TFDP2: variants seen among roughly 807,000 people sequenced by gnomAD.
TFDP2 encodes the protein transcription factor Dp-2.
In TFDP2, 17 loss-of-function variants were observed where a neutral mutation model predicts 59.3. The observed-to-expected ratio is 0.29, with a 90% CI of 0.20 to 0.43. The LOEUF (loss-of-function observed/expected upper bound fraction) is 0.43, where lower values mean the gene tolerates loss of function less well. Among genes scored for constraint, TFDP2 ranks in the 20% least tolerant of loss-of-function variants. The pLI is 1.00. For missense variants in TFDP2, 391 were observed against 528.8 expected (o/e 0.74, Z 2.56); for synonymous variants, 180 against 194.7 (o/e 0.92, Z 0.63).
chr3:142,101,186 C>T (rs979916138), intron 2 of TFDP2, among the ~76,000 whole-genome samples: 2 of 151,934 alleles, frequency 1.3e-5, no homozygotes, highest in Admixed American at 6.6e-5. Flanking sequence ...TAAAGAGTGA[C>T]ATACAACTTG....
chr3:142,008,481 C>G (rs1944393256), intron 3 of TFDP2, among the ~76,000 whole-genome samples: 1 of 152,098 alleles, frequency 6.6e-6, no homozygotes, highest in African/African-American at 2.4e-5. Flanking sequence ...ACATGTACCC[C>G]ACAATCCAAC....
intron 3 of TFDP2, among the ~76,000 whole-genome samples, chr3:142,064,948 C>G (rs1221824367): frequency 6.6e-6 from 1 of 151,936 alleles, no homozygotes; most frequent in Non-Finnish European, 1.5e-5. Context: ...AAAGGTAGTT[C>G]TTATTGAATT....
chr3:141,969,543 C>T (rs1939386803), intron 9 of TFDP2, among the ~76,000 whole-genome samples: 1 of 151,766 alleles, frequency 6.6e-6, no homozygotes, highest in Non-Finnish European at 1.5e-5. Context: ...ACCCGGGAGG[C>T]AGAGGTTACA....
intron 3 of TFDP2, among the ~76,000 whole-genome samples, chr3:142,087,200 G>A (rs1425608993): frequency 6.6e-6 from 1 of 152,220 alleles, no homozygotes; most frequent in Non-Finnish European, 1.5e-5. Flanking sequence ...ATGTAGTCAT[G>A]TGTCAACTGG....
At chr3:142,106,471 A>C (rs55881752) in intron 1 of TFDP2, among the ~76,000 whole-genome samples, 12,963 of 152,272 alleles carry the variant, frequency 0.085, 693 homozygotes, top group Middle Eastern at 0.14. Flanking sequence ...CATTGTCTTT[A>C]ATCTATAAAT....
chr3:141,952,813 G>C, intron 12 of TFDP2, 98 bp downstream of exon 12: 1 of 1,544,452 alleles, frequency 6.5e-7, no homozygotes, highest in Non-Finnish European at 8.9e-7. Flanking sequence ...AACCTGCTCA[G>C]CAGGACCTGT....
intron 9 of TFDP2, among the ~76,000 whole-genome samples, chr3:141,969,088 TAACA>T (rs1180055493): frequency 1.7e-5 from 1 of 59,400 alleles, no homozygotes; most frequent in Non-Finnish European, 2.9e-5. Context: ...TATATATATA[TAACA>T]TATATATATA....
chr3:142,011,602 GAA>G (rs548076797), intron 3 of TFDP2, among the ~76,000 whole-genome samples: 31 of 64,170 alleles, frequency 4.8e-4, no homozygotes, highest in African/African-American at 1.2e-3. Context: ...AAAAAAAAAA[GAA>G]AAAAAAAAAA....
At chr3:142,125,573 A>G (rs1351656905) in intron 1 of TFDP2, among the ~76,000 whole-genome samples, 2 of 152,184 alleles carry the variant, frequency 1.3e-5, no homozygotes, top group African/African-American at 2.4e-5. Context: ...TGGAAAACCC[A>G]TAACTGCGTA....
chr3:141,952,681 T>C lies in TFDP2; in HGVS notation c.1173A>G (p.Leu391=), dbSNP rs368944774. The C allele has an allele frequency of 5.1e-5, 82 of 1,609,868 alleles. No homozygotes were observed. The highest frequency in any genetic ancestry group is 6.6e-5 in the Non-Finnish European group (78 of 1,179,054). Residue 391 remains leucine (L), a synonymous_variant, in exon 13 of 13, where the codon TTA becomes TTG. Transcript: ENST00000489671. ...CTAAGGCCACTTCTGCATCCAAGCA[T>C]AACCCTTGGTTTACACTAGCAAACA... ...TLPQSSVNQG[L]CLDAEVALAT...
chr3:142,141,277 G>A (rs1041019194), intron 1 of TFDP2, among the ~76,000 whole-genome samples: 3 of 152,174 alleles, frequency 2.0e-5, no homozygotes, highest in Non-Finnish European at 4.4e-5. Flanking sequence ...AGTCTGTCAC[G>A]GCTTCCCTTG....
At chr3:141,964,391 C>T (rs970576882) in intron 9 of TFDP2, among the ~76,000 whole-genome samples, 3 of 152,198 alleles carry the variant, frequency 2.0e-5, no homozygotes, top group Non-Finnish European at 2.9e-5. Flanking sequence ...GTGGCTCACG[C>T]CTGTAATCCC....
At chr3:142,088,244 T>C (rs899881435) in intron 3 of TFDP2, among the ~76,000 whole-genome samples, 1 of 152,230 alleles carries the variant, frequency 6.6e-6, no homozygotes, top group Non-Finnish European at 1.5e-5. Flanking sequence ...TCTTTATATG[T>C]GTCTCACATC....
intron 6 of TFDP2, among the ~76,000 whole-genome samples, chr3:141,986,555 T>C (rs1031780705): frequency 1.3e-5 from 2 of 152,248 alleles, no homozygotes; most frequent in Non-Finnish European, 2.9e-5. Flanking sequence ...CATTCATCCA[T>C]TCTGCAGATG....
chr3:142,050,078 C>A (rs1183933057), intron 3 of TFDP2, among the ~76,000 whole-genome samples: 7 of 151,630 alleles, frequency 4.6e-5, no homozygotes, highest in African/African-American at 1.7e-4. Flanking sequence ...TCGAGCCTGG[C>A]CAACATGGTA....
At chr3:141,985,775 C>T (rs1942036178) in intron 6 of TFDP2, among the ~76,000 whole-genome samples, 1 of 151,856 alleles carries the variant, frequency 6.6e-6, no homozygotes, top group African/African-American at 2.4e-5. Flanking sequence ...AATTAAACAT[C>T]AAAATTAAAA....
At chr3:142,095,164 A>G (rs2061123029) in intron 2 of TFDP2, among the ~76,000 whole-genome samples, 1 of 151,818 alleles carries the variant, frequency 6.6e-6, no homozygotes, top group Non-Finnish European at 1.5e-5. Flanking sequence ...CTAATTATGT[A>G]TTTTCAGTAG....
At chr3:142,000,906 G>A (rs1943703576) in intron 4 of TFDP2, among the ~76,000 whole-genome samples, 1 of 152,148 alleles carries the variant, frequency 6.6e-6, no homozygotes. Context: ...CAGGAGTTGG[G>A]CCCCCAGGGT....
intron 3 of TFDP2, among the ~76,000 whole-genome samples, chr3:142,007,793 T>A (rs1230125556): frequency 1.3e-5 from 2 of 152,160 alleles, no homozygotes; most frequent in Non-Finnish European, 2.9e-5. Context: ...ACAATAGGGT[T>A]TGTGCTCCTA....
Sources: gnomAD v4.1 joint callset for allele counts (sites outside exome capture counted in the v4.1 genomes callset) on GRCh38, gnomAD v4.1.1 for gene constraint, MANE v1.5 for transcripts, NCBI Gene and HGNC (gene_info 2026-07-23, HGNC 2026-07-21) for gene names.